PRIM2: variants seen among roughly 807,000 people sequenced by gnomAD.
The protein encoded by PRIM2 is DNA primase large subunit.
In PRIM2, 39 loss-of-function variants were observed where a neutral mutation model predicts 67.3. The observed-to-expected ratio is 0.58, with a 90% CI of 0.45 to 0.76. The LOEUF is 0.76. PRIM2 is among the 30% of genes least tolerant of loss of function. The pLI, the probability that PRIM2 is intolerant of heterozygous loss-of-function variation, is 0.00. For missense variants in PRIM2, 398 were observed against 598.7 expected (o/e 0.66, Z 3.50); for synonymous variants, 143 against 198.7 (o/e 0.72, Z 2.36).
intron 7 of PRIM2, among the ~76,000 whole-genome samples, chr6:57,418,814 A>C (rs1771367995): frequency 6.6e-6 from 1 of 152,176 alleles, no homozygotes; most frequent in Non-Finnish European, 1.5e-5. Flanking sequence ...TACTTTTGTC[A>C]TGCCAGTTAG....
intron 5 of PRIM2, among the ~76,000 whole-genome samples, chr6:57,370,013 G>T (rs1389284641): frequency 6.6e-6 from 1 of 152,184 alleles, no homozygotes; most frequent in Non-Finnish European, 1.5e-5. Flanking sequence ...AGCTACATGA[G>T]ATAGGTATGA....
intron 10 of PRIM2, among the ~76,000 whole-genome samples, chr6:57,591,170 T>C (rs1329094202): frequency 4.6e-5 from 7 of 152,322 alleles, no homozygotes; most frequent in Admixed American, 2.0e-4. Flanking sequence ...TTTAGTTTAA[T>C]AGATAGTAAT....
the PRIM2 span, among the ~76,000 whole-genome samples, chr6:57,251,674 C>A: frequency 1.3e-5 from 2 of 152,166 alleles, no homozygotes; most frequent in Non-Finnish European, 2.9e-5. Context: ...ATGAGCTGGG[C>A]AGATCCCATC....
intron 7 of PRIM2, among the ~76,000 whole-genome samples, chr6:57,383,855 G>C (rs530196735): frequency 7.5e-4 from 114 of 152,276 alleles, no homozygotes; most frequent in Non-Finnish European, 1.3e-3. Context: ...CACTAACTTA[G>C]GTACTCATAT....
chr6:57,238,950 T>A, the PRIM2 span, among the ~76,000 whole-genome samples: 7 of 152,312 alleles, frequency 4.6e-5, no homozygotes, highest in Admixed American at 4.6e-4. Flanking sequence ...CACGTCTCTC[T>A]ATATCCCACA....
the PRIM2 span, among the ~76,000 whole-genome samples, chr6:57,303,548 G>A: frequency 6.6e-6 from 1 of 152,100 alleles, no homozygotes; most frequent in African/African-American, 2.4e-5. Context: ...ACTTCCACTT[G>A]TGATACCAGT....
intron 5 of PRIM2, among the ~76,000 whole-genome samples, chr6:57,338,487 G>A (rs1247153621): frequency 6.6e-6 from 1 of 150,404 alleles, no homozygotes; most frequent in East Asian, 1.9e-4. Flanking sequence ...GAATCCAGCA[G>A]CACATCAAAA....
the PRIM2 span, among the ~76,000 whole-genome samples, chr6:57,242,845 A>T: frequency 3.5e-4 from 54 of 152,310 alleles, no homozygotes; most frequent in African/African-American, 1.3e-3. Flanking sequence ...TTTCACAGTG[A>T]TGTTTGCCTT....
chr6:57,560,036 G>A (rs1289373947), intron 10 of PRIM2, among the ~76,000 whole-genome samples: 1 of 152,140 alleles, frequency 6.6e-6, no homozygotes, highest in East Asian at 1.9e-4. Context: ...TTTCATAAAA[G>A]ATTTCTTTGT....
intron 10 of PRIM2, among the ~76,000 whole-genome samples, chr6:57,546,491 G>A (rs1775292382): frequency 1.3e-5 from 2 of 152,090 alleles, no homozygotes. Context: ...AGTGAACAAG[G>A]AATGAGGGGA....
chr6:57,376,999 C>T (rs1302738261), intron 5 of PRIM2, among the ~76,000 whole-genome samples: 1 of 152,066 alleles, frequency 6.6e-6, no homozygotes, highest in Non-Finnish European at 1.5e-5. Context: ...TCCCCACCCT[C>T]CTGAGTAGCT....
chr6:57,295,759 CTCATTTACAAAATTGAATGTG>C, the PRIM2 span, among the ~76,000 whole-genome samples: 1 of 152,232 alleles, frequency 6.6e-6, no homozygotes, highest in African/African-American at 2.4e-5. Context: ...GGCACCTTAA[CTCATTTACAAAATTGAATGTG>C]TCATCTTCTT....
chr6:57,475,913 A>C (rs1773467195), intron 7 of PRIM2, among the ~76,000 whole-genome samples: 1 of 152,134 alleles, frequency 6.6e-6, no homozygotes. Flanking sequence ...TCTGTGCCCT[A>C]AGTGTGTCAT....
chr6:57,497,026 T>C (rs1373227383), intron 7 of PRIM2, among the ~76,000 whole-genome samples: 2 of 152,182 alleles, frequency 1.3e-5, no homozygotes, highest in African/African-American at 4.8e-5. Context: ...TGTATGGGGC[T>C]AACTATACTA....
chr6:57,295,863 C>A, the PRIM2 span, among the ~76,000 whole-genome samples: 3 of 152,106 alleles, frequency 2.0e-5, no homozygotes, highest in African/African-American at 7.2e-5. Context: ...TCCCAACACC[C>A]GGATTAAAAT....
intron 5 of PRIM2, among the ~76,000 whole-genome samples, chr6:57,345,506 G>GTGTGTGTGTGTGTGTGTGTACA (rs369673115): frequency 0.011 from 1,378 of 122,044 alleles, 38 homozygotes; most frequent in African/African-American, 0.037. Context: ...GTGTGTGTGT[G>GTGTGTGTGTGTGTGTGTGTACA]TACATACATA....
chr6:57,370,619 G>A (rs1369498529), intron 5 of PRIM2, among the ~76,000 whole-genome samples: 1 of 150,598 alleles, frequency 6.6e-6, no homozygotes, highest in Admixed American at 6.6e-5. Flanking sequence ...CGAAGTGCAT[G>A]ATTTAGAGTG....
chr6:57,350,496 A>G (rs1162219921), intron 5 of PRIM2, among the ~76,000 whole-genome samples: 2 of 152,202 alleles, frequency 1.3e-5, no homozygotes, highest in Non-Finnish European at 2.9e-5. Context: ...TAACTTGTCA[A>G]TCTGCAAGCC....
intron 7 of PRIM2, among the ~76,000 whole-genome samples, chr6:57,430,515 G>T (rs143063022): frequency 7.4e-6 from 1 of 135,010 alleles, no homozygotes; most frequent in African/African-American, 2.7e-5. Flanking sequence ...GTGCAGTGGC[G>T]CAATCTCAGC....
Sources: gnomAD v4.1 joint callset for allele counts (sites outside exome capture counted in the v4.1 genomes callset) on GRCh38, gnomAD v4.1.1 for gene constraint, MANE v1.5 for transcripts, NCBI Gene and HGNC (gene_info 2026-07-23, HGNC 2026-07-21) for gene names.